KLK15: variants seen among roughly 807,000 people sequenced by gnomAD.
KLK15 encodes the protein kallikrein-15.
Under a neutral mutation model 21.1 loss-of-function variants are expected in KLK15, and 19 were observed. The observed-to-expected ratio is 0.90, with a 90% CI of 0.63 to 1.32. The LOEUF is 1.32. Among genes scored for constraint, KLK15 ranks in the 40% most tolerant of loss-of-function variants. KLK15 has a pLI of 0.00. For synonymous variants in KLK15, 141 were observed against 141.5 expected (o/e 1.00, Z 0.03); for missense variants, 345 against 348.6 (o/e 0.99, Z 0.08).
rs779726348 is a variant in KLK15 at position 50,827,003 on chromosome 19, T to TCA, written c.355_356insTG (p.Asn119MetfsTer44). ...TAGCACCGCGGGGCGCACCTGGGGG[T>TCA]TCAGGCGTGCGGGCTGGACTAGGCG... On this transcript the variant is annotated frameshift_variant, in exon 3 of 5. Coordinates refer to ENST00000598239, the Ensembl canonical transcript of KLK15. LOFTEE classifies it high-confidence loss of function. 7.5e-5 allele frequency: 120 copies of TCA among 1,605,510 alleles called. No individual in the cohort carries two copies. The highest frequency in any genetic ancestry group is 3.3e-4 in the Middle Eastern group (2 of 6,062).
chr19:50,827,551 T>G, intron 2 of KLK15, 111 bp downstream of exon 3: 1 of 1,156,362 alleles, frequency 8.6e-7, no homozygotes, highest in Non-Finnish European at 1.2e-6. Context: ...TCCGGCCTCC[T>G]CGTCTTTCAG....
intron 1 of KLK15, 75 bp from the exon 3 acceptor site, chr19:50,827,890 C>A: frequency 7.1e-7 from 1 of 1,412,230 alleles, no homozygotes; most frequent in South Asian, 1.2e-5. Flanking sequence ...GCACCCTGCC[C>A]TAACTACTAT....
At chr19:50,827,474 TCTC>T (rs1487179197) in intron 2 of KLK15, among the ~76,000 whole-genome samples, 185 bp downstream of exon 3, 1 of 151,650 alleles carries the variant, frequency 6.6e-6, no homozygotes, top group African/African-American at 2.4e-5. Flanking sequence ...GAACTAGTCT[TCTC>T]CTTCCTCCTT....
intron 4 of KLK15, 154 bp from the exon 6 acceptor site, chr19:50,826,102 CAG>C (rs1424505427): frequency 1.3e-5 from 9 of 713,404 alleles, no homozygotes; most frequent in Admixed American, 8.9e-5. Flanking sequence ...TTATCCCAAA[CAG>C]AGCCAACCCA....
chr19:50,826,144 C>T, intron 4 of KLK15, 196 bp from the exon 6 acceptor site: 1 of 570,820 alleles, frequency 1.8e-6, no homozygotes, highest in Non-Finnish European at 3.1e-6. Context: ...TTCAACACAG[C>T]TCAATACAAC....
At chr19:50,825,614 G>A, downstream of KLK15, 1 of 524,478 alleles carries the variant, frequency 1.9e-6, no homozygotes, top group African/African-American at 1.9e-5. Flanking sequence ...TTGTTATCTT[G>A]GCATTAAACA....
intron 4 of KLK15, chr19:50,826,328 C>A: frequency 2.2e-6 from 1 of 461,484 alleles, no homozygotes; most frequent in Non-Finnish European, 3.8e-6. Context: ...TACCTCATCC[C>A]AATTCAACCC....
chr19:50,826,037 C>G (rs892031467), intron 4 of KLK15, 89 bp from the exon 6 acceptor site: 6 of 1,319,626 alleles, frequency 4.5e-6, no homozygotes, highest in Non-Finnish European at 6.2e-6. Context: ...ACCCCAAACC[C>G]AATCCATCCC....
At chr19:50,831,610 T>A (rs956584733), upstream of KLK15, 1 of 758,582 alleles carries the variant, frequency 1.3e-6, no homozygotes. Context: ...TCCCATCCAC[T>A]GTTAATAAAT....
intron 2 of KLK15, 39 bp from the exon 4 acceptor site, chr19:50,827,200 G>C: frequency 6.5e-7 from 1 of 1,541,006 alleles, no homozygotes; most frequent in Non-Finnish European, 8.7e-7. Context: ...TGGAGTGCGG[G>C]CCAGTGGTTA....
chr19:50,831,514 C>T (rs750658906), exon 1 of KLK15: 41 of 1,456,378 alleles, frequency 2.8e-5, no homozygotes, highest in Admixed American at 1.0e-4. Flanking sequence ...GACCAGGGTT[C>T]GGCTGCAGTC....
intron 1 of KLK15, among the ~76,000 whole-genome samples, chr19:50,828,255 G>A (rs1774823565): frequency 6.6e-6 from 1 of 151,456 alleles, no homozygotes; most frequent in African/African-American, 2.4e-5. Context: ...CTGCCCTGTT[G>A]TTTATTTACA....
chr19:50,826,218 C>A, intron 4 of KLK15: 1 of 485,642 alleles, frequency 2.1e-6, no homozygotes, highest in Non-Finnish European at 3.6e-6. Context: ...AAGTTAAATC[C>A]AACTCAGCCC....
chr19:50,826,526 C>T, intron 4 of KLK15, 95 bp downstream of exon 5: 1 of 1,430,004 alleles, frequency 7.0e-7, no homozygotes, highest in Non-Finnish European at 9.3e-7. Context: ...CTAGCATCTT[C>T]TCTGGCCCAA....
In KLK15 at chr19:50,831,445, C is replaced by T; in HGVS notation, c.43+5G>A. On this transcript the variant is annotated splice_donor_5th_base_variant and intron_variant, in intron 1 of 4. Transcript: ENST00000598239. ...AGACCTGGCCCCCTCCTGGGGCCAC[C>T]TCACCTGTGGATGCCAGCAGGAAGG... 1 of 1,428,756 alleles carries T rather than the reference C, an allele frequency of 7.0e-7. No homozygotes were observed. Among genetic ancestry groups the T allele is most frequent in the Non-Finnish European group, 9.1e-7 (1 of 1,094,492 alleles). 88.5% of individuals were successfully genotyped at this position (1,428,756 alleles called of 1,614,324 possible). A position where few individuals can be genotyped will look rare whatever the true frequency, so the allele number is the denominator to read the frequency against.
chr19:50,826,160 C>T, intron 4 of KLK15: 1 of 549,230 alleles, frequency 1.8e-6, no homozygotes, highest in Admixed American at 3.4e-5. Flanking sequence ...ACAACTCACC[C>T]AACCTATATC....
chr19:50,830,759 C>A (rs1027300672), intron 1 of KLK15, among the ~76,000 whole-genome samples: 2 of 152,156 alleles, frequency 1.3e-5, no homozygotes, highest in Admixed American at 1.3e-4. Flanking sequence ...TGCCTGACAC[C>A]CAAGGTGACC....
chr19:50,829,795 C>T lies in KLK15; in HGVS notation c.43+1655G>A, dbSNP rs574040531. On this transcript the variant is annotated intron_variant, in intron 1 of 4. Transcript: ENST00000598239. ...TTGCACCACTGAACTCCAGCTTGGG[C>T]GGCAGAGCGAGACTCCGTCTCAAAA... 1.4e-4 allele frequency among the ~76,000 whole-genome samples: 21 copies of T among 151,662 alleles called. No homozygotes were observed. The South Asian group carries it at 1.7e-3, about 12-fold the overall frequency.
At chr19:50,825,735 G>T, downstream of KLK15, 5 of 1,542,348 alleles carry the variant, frequency 3.2e-6, no homozygotes, top group Non-Finnish European at 4.4e-6. Flanking sequence ...GTCAGGCGGG[G>T]CTGCTGGCCA....
Sources: gnomAD v4.1 joint callset for allele counts (sites outside exome capture counted in the v4.1 genomes callset) on GRCh38, gnomAD v4.1.1 for gene constraint, MANE v1.5 for transcripts, NCBI Gene and HGNC (gene_info 2026-07-23, HGNC 2026-07-21) for gene names.